Variants in RYR1 observed in about 807,000 individuals in gnomAD.
RYR1 encodes central core disease of muscle.
RYR1 carries 342 observed loss-of-function variants against 583.5 expected under a neutral mutation model. The ratio of observed to expected loss-of-function variants is 0.59; its 90% CI spans 0.54 to 0.64. RYR1 has a LOEUF of 0.64. Among genes scored for constraint, RYR1 ranks in the 30% least tolerant of loss-of-function variants. RYR1 has a pLI of 0.00. For synonymous variants in RYR1, 2,791 were observed against 2,822.5 expected (o/e 0.99, Z 0.35); for missense variants, 6,032 against 6,917.2 (o/e 0.87, Z 4.54).
At chr19:38,452,710 T>C in intron 12 of RYR1, 109 bp from the exon 13 acceptor site, 2 of 972,210 alleles carry the variant, frequency 2.1e-6, no homozygotes, top group Admixed American at 5.0e-5. Context: ...GGTCTCCCTC[T>C]CTGTAAAACG....
chr19:38,535,925 C>T, intron 81 of RYR1, 72 bp from the exon 82 acceptor site: 1 of 1,387,722 alleles, frequency 7.2e-7, no homozygotes, highest in Non-Finnish European at 1.0e-6. Context: ...TGGTGGGGAG[C>T]TGCCAGGCCC....
intron 105 of RYR1, 55 bp from the exon 106 acceptor site, chr19:38,587,270 A>ATG: frequency 1.8e-6 from 2 of 1,134,012 alleles, no homozygotes; most frequent in East Asian, 2.4e-5. Context: ...ATATATATAT[A>ATG]TGTCTCAAGG....
chr19:38,476,337 T>A (rs1198042739), intron 29 of RYR1, among the ~76,000 whole-genome samples: 2 of 152,176 alleles, frequency 1.3e-5, no homozygotes, highest in Non-Finnish European at 2.9e-5. Flanking sequence ...TAGCTGGGAC[T>A]ATGGGCACAC....
At chr19:38,582,136 G>A (rs947321143) in intron 101 of RYR1, among the ~76,000 whole-genome samples, 1 of 152,120 alleles carries the variant, frequency 6.6e-6, no homozygotes, top group African/African-American at 2.4e-5. Flanking sequence ...GGTGGCTCAT[G>A]CCTGTAATCC....
chr19:38,536,602 G>T, intron 82 of RYR1, 148 bp from the exon 83 acceptor site: 1 of 889,786 alleles, frequency 1.1e-6, no homozygotes, highest in Non-Finnish European at 1.8e-6. Flanking sequence ...TTATCACTCT[G>T]CCTTTCTCTC....
At chr19:38,581,119 C>T (rs935580985) in intron 101 of RYR1, among the ~76,000 whole-genome samples, 1 of 151,862 alleles carries the variant, frequency 6.6e-6, no homozygotes, top group Non-Finnish European at 1.5e-5. Context: ...AGAGTCTGGC[C>T]CAGGCTGGAG....
chr19:38,444,774 G>T lies in RYR1; in HGVS notation c.631+97G>T. 1 of 931,202 alleles carries T rather than the reference G, an allele frequency of 1.1e-6. No homozygotes were observed. Among genetic ancestry groups the T allele is most frequent in the Non-Finnish European group, 1.7e-6 (1 of 585,816 alleles). The allele number at this position is 931,202 out of a possible 1,614,324, so 57.7% of individuals were successfully genotyped here. The stretch of plus-strand genomic sequence containing the variant: ...ACCCAAATGGAGCCTTGGAACCTCA[G>T]ACCTCAAACCTAGATCTCCAAATTA... On this transcript the variant is annotated intron_variant, in intron 7 of 105. Transcript: ENST00000359596. The surrounding 1 kb of genome is among the most constrained non-coding windows in gnomAD (Gnocchi z 5.1).
chr19:38,524,391 C>A (rs1473595527), intron 70 of RYR1, among the ~76,000 whole-genome samples: 1 of 151,962 alleles, frequency 6.6e-6, no homozygotes, highest in Non-Finnish European at 1.5e-5. Flanking sequence ...AGCCGTGTGA[C>A]CTTGGTTGGG....
chr19:38,516,115 G>T lies in RYR1; in HGVS notation c.9583G>T (p.Ala3195Ser), dbSNP rs1287562865. 1 of 1,549,754 alleles carries T rather than the reference G, an allele frequency of 6.5e-7. No individual in the cohort carries two copies. ...KLRPALGECL[A>S]RLAAAMPVAF... The stretch of plus-strand genomic sequence containing the variant: ...TCGGCCAGCCCTCGGGGAGTGCCTG[G>T]CCCGTCTGGCAGCAGCCATGCCGGT... The change falls in exon 65 of 106, where the codon GCC (alanine) becomes TCC (serine). Residue 3195 changes from alanine (A) to serine (S), a missense_variant. Coordinates refer to ENST00000359596, the MANE Select transcript of RYR1 (RefSeq NM_000540.3).
chr19:38,534,598 C>T (rs1971883102), intron 78 of RYR1, 122 bp from the exon 79 acceptor site: 2 of 817,716 alleles, frequency 2.4e-6, no homozygotes, highest in Admixed American at 2.0e-5. Flanking sequence ...GGAGGGAGCT[C>T]ATGGTTGAAG....
rs1006306690 is a variant in RYR1, at chr19:38,512,802, A to T, written c.9472+319A>T. Among the ~76,000 whole-genome samples the T allele has an allele frequency of 2.8e-5, 4 of 143,402 alleles. No individual in the cohort carries two copies. Among genetic ancestry groups the T allele is most frequent in the Non-Finnish European group, 6.2e-5 (4 of 64,714 alleles). The allele number at this position is 143,402 out of a possible 152,430, so 94.1% of individuals were successfully genotyped here. A position where few individuals can be genotyped will look rare whatever the true frequency, so the allele number is the denominator to read the frequency against. On this transcript the variant is annotated intron_variant, in intron 63 of 105. Transcript: ENST00000359596. This position sits in a 1 kb window ranked among gnomAD's most constrained non-coding sequence, Gnocchi z 5.1. ...AACATAGCGAGACCCTGTCTCTACT[A>T]AAAAAAAAAAGAAAAATTTAAAGAT...
intron 96 of RYR1, among the ~76,000 whole-genome samples, chr19:38,574,445 T>C (rs1369072110): frequency 6.6e-6 from 1 of 151,202 alleles, no homozygotes; most frequent in Non-Finnish European, 1.5e-5. Context: ...TAGAGAGACC[T>C]ATATCTTTAG....
intron 42 of RYR1, among the ~76,000 whole-genome samples, chr19:38,498,405 C>T (rs908736891): frequency 2.6e-5 from 4 of 151,876 alleles, no homozygotes; most frequent in Non-Finnish European, 4.4e-5. Context: ...AGGTGGGAGA[C>T]AAGGGTGGAC....
At position 38,512,567 on chromosome 19, in the gene RYR1, G is replaced by A. The variant is rs1970780497; in HGVS notation, c.9472+84G>A. On this transcript the variant is annotated intron_variant, in intron 63 of 105. Transcript: ENST00000359596. This position sits in a 1 kb window ranked among gnomAD's most constrained non-coding sequence, Gnocchi z 5.1. ...TCCGGGTGCCTGTGAGAGTCCCTGGGTGTTTGAATGTGTGGATTTCTTGCT... is the reference window on the plus strand; with the variant it reads ...TCCGGGTGCCTGTGAGAGTCCCTGGATGTTTGAATGTGTGGATTTCTTGCT... 2.4e-6 allele frequency: 3 copies of A among 1,258,406 alleles called. No individual in the cohort carries two copies. Among genetic ancestry groups the A allele is most frequent in the South Asian group, 2.4e-5 (2 of 83,408 alleles). The allele number at this position is 1,258,406 out of a possible 1,614,324, so 78.0% of individuals were successfully genotyped here.
At chr19:38,446,913 A>G in intron 9 of RYR1, 145 bp downstream of exon 9, 1 of 666,928 alleles carries the variant, frequency 1.5e-6, no homozygotes, top group Non-Finnish European at 2.5e-6. Flanking sequence ...AGAGAGATGA[A>G]AATCTCGGCC....
intron 96 of RYR1, 55 bp from the exon 97 acceptor site, chr19:38,575,864 T>A: frequency 6.3e-7 from 1 of 1,594,882 alleles, no homozygotes; most frequent in Admixed American, 1.7e-5. Flanking sequence ...CTGACAGCTC[T>A]GATCCCTCTG....
Position 38,512,308 on chromosome 19 carries a change from C to G in RYR1, c.9297C>G (p.Ala3099=). ...KAGLRSFFES[A]SEDIEKMVEN... is the part of the protein sequence containing the mutation. ...GCCTCCGCTCCTTCTTCGAGAGTGC[C>G]TCGGAGGACATCGAGAAGATGGTGG... The change falls in exon 63 of 106, where the codon GCC becomes GCG. Residue 3099 remains alanine, a synonymous_variant. Coordinates refer to ENST00000359596, the MANE Select transcript of RYR1 (RefSeq NM_000540.3). The surrounding 1 kb of genome is among the most constrained non-coding windows in gnomAD (Gnocchi z 5.1). 6.2e-7 allele frequency: 1 copy of G among 1,614,258 alleles called. No individual in the cohort carries two copies. Among genetic ancestry groups the G allele is most frequent in the Non-Finnish European group, 8.5e-7 (1 of 1,180,056 alleles).
At chr19:38,520,971 G>A (rs770203063) in intron 67 of RYR1, among the ~76,000 whole-genome samples, 3 of 151,980 alleles carry the variant, frequency 2.0e-5, no homozygotes, top group Non-Finnish European at 4.4e-5. Context: ...TAATGTTCAC[G>A]AGCAGATAAG....
chr19:38,576,095 G>A (rs1973946174), intron 97 of RYR1, 134 bp downstream of exon 97: 1 of 925,350 alleles, frequency 1.1e-6, no homozygotes, highest in Admixed American at 1.8e-5. Flanking sequence ...TAGCACCTCA[G>A]TTTCCCCATG....
Sources: allele counts gnomAD v4.1 joint callset (sites outside exome capture counted in the v4.1 genomes callset), GRCh38; gene constraint gnomAD v4.1.1; non-coding constraint Gnocchi (gnomAD v3.1); transcripts MANE v1.5; gene names NCBI Gene and HGNC (gene_info 2026-07-23, HGNC 2026-07-21).